The following UBE2R2 variants were observed in gnomAD, a reference collection of about 807,000 sequenced individuals.
UBE2R2 encodes the protein ubiquitin-conjugating enzyme E2 R2.
Under a neutral mutation model 27.8 loss-of-function variants are expected in UBE2R2, and 1 was observed. That is an observed-to-expected ratio of 0.04 (90% CI 0.01 to 0.17). UBE2R2 has a LOEUF of 0.17. Among genes scored for constraint, UBE2R2 ranks in the 10% least tolerant of loss-of-function variants. The pLI is 1.00. For synonymous variants in UBE2R2, 106 were observed against 113.3 expected (o/e 0.94, Z 0.41); for missense variants, 100 against 291.0 (o/e 0.34, Z 4.78).
intron 3 of UBE2R2, among the ~76,000 whole-genome samples, chr9:33,910,713 C>A (rs766968135): frequency 3.9e-5 from 6 of 152,168 alleles, no homozygotes; most frequent in Non-Finnish European, 7.3e-5. Context: ...TTTGCTTTTC[C>A]TCCATTCTCC....
chr9:33,822,659 A>C (rs1312679857), intron 1 of UBE2R2, among the ~76,000 whole-genome samples: 3 of 151,470 alleles, frequency 2.0e-5, no homozygotes, highest in Admixed American at 2.0e-4. Flanking sequence ...TCCTGGCTTC[A>C]AACAATCCTC....
At chr9:33,909,143 G>A (rs190734564) in intron 3 of UBE2R2, among the ~76,000 whole-genome samples, 7 of 145,696 alleles carry the variant, frequency 4.8e-5, no homozygotes, top group East Asian at 1.9e-4. Flanking sequence ...CATCATCATC[G>A]TCGTCGTCAT....
intron 1 of UBE2R2, among the ~76,000 whole-genome samples, chr9:33,853,288 C>CTTTTTTTTTT (rs71506143): frequency 8.7e-6 from 1 of 115,362 alleles, no homozygotes; most frequent in African/African-American, 3.4e-5. Flanking sequence ...TTTTCTCTCT[C>CTTTTTTTTTT]TTTTTTTTTT....
chr9:33,880,774 T>G (rs1480469661), intron 1 of UBE2R2, among the ~76,000 whole-genome samples: 1 of 152,156 alleles, frequency 6.6e-6, no homozygotes, highest in Non-Finnish European at 1.5e-5. Flanking sequence ...GGCATTAGAT[T>G]CTCAAGGAGT....
At chr9:33,842,577 G>A (rs1820753618) in intron 1 of UBE2R2, among the ~76,000 whole-genome samples, 2 of 152,030 alleles carry the variant, frequency 1.3e-5, no homozygotes, top group African/African-American at 4.8e-5. Context: ...TCTCGAATGA[G>A]ATTTCCTCTT....
intron 1 of UBE2R2, among the ~76,000 whole-genome samples, chr9:33,882,382 G>A (rs1418671476): frequency 2.0e-5 from 3 of 152,108 alleles, no homozygotes; most frequent in African/African-American, 7.2e-5. Context: ...TCCTGCCCGG[G>A]TTCAAGCAAT....
chr9:33,822,685 A>G (rs553891523), intron 1 of UBE2R2, among the ~76,000 whole-genome samples: 68 of 152,096 alleles, frequency 4.5e-4, no homozygotes, highest in African/African-American at 1.5e-3. Context: ...TTGGCCTCCC[A>G]AAGTGCTGGT....
Position 33,886,979 on chromosome 9 carries a change from T to G in UBE2R2, c.264+12T>G. The G allele has an allele frequency of 6.3e-7, 1 of 1,577,652 alleles. No individual in the cohort carries two copies. The highest frequency in any genetic ancestry group is 2.3e-5 in the East Asian group (1 of 43,496). On this transcript the variant is annotated intron_variant, in intron 2 of 4. Transcript: ENST00000263228. ...CCAACATTTATGAGGTAAGGAGACA[T>G]CCATCATAAATTTCTCTGAAGATTT...
At chr9:33,839,779 TGA>T (rs1305846842) in intron 1 of UBE2R2, among the ~76,000 whole-genome samples, 1 of 152,100 alleles carries the variant, frequency 6.6e-6, no homozygotes, top group African/African-American at 2.4e-5. Context: ...GAAGATTGCT[TGA>T]GATCAGGAGT....
At chr9:33,891,163 C>A (rs1210425549) in intron 2 of UBE2R2, among the ~76,000 whole-genome samples, 2 of 151,050 alleles carry the variant, frequency 1.3e-5, no homozygotes, top group African/African-American at 4.9e-5. Flanking sequence ...TATTCTCCTG[C>A]CTCAGCCTTC....
At chr9:33,897,338 CAA>C (rs913543314) in intron 2 of UBE2R2, among the ~76,000 whole-genome samples, 3 of 131,902 alleles carry the variant, frequency 2.3e-5, no homozygotes, top group Middle Eastern at 6.0e-3. Flanking sequence ...TTTTTGGAGA[CAA>C]GAGTTTCGCT....
intron 1 of UBE2R2, among the ~76,000 whole-genome samples, chr9:33,829,871 C>T (rs1281892021): frequency 6.7e-6 from 1 of 149,376 alleles, no homozygotes. Flanking sequence ...TCTCGGCTCA[C>T]CGCAACCTCC....
intron 2 of UBE2R2, among the ~76,000 whole-genome samples, chr9:33,895,939 A>AT (rs1822095070): frequency 6.6e-6 from 1 of 151,174 alleles, no homozygotes; most frequent in Non-Finnish European, 1.5e-5. Context: ...TGTCTGGCAA[A>AT]TTTTTTGTAT....
intron 4 of UBE2R2, among the ~76,000 whole-genome samples, chr9:33,916,246 CAGG>C (rs1822638619): frequency 6.6e-6 from 1 of 152,102 alleles, no homozygotes; most frequent in East Asian, 1.9e-4. Context: ...GAGGCTGAGG[CAGG>C]AGAATTGCTT....
At chr9:33,887,520 C>T (rs900460845) in intron 2 of UBE2R2, among the ~76,000 whole-genome samples, 9 of 152,158 alleles carry the variant, frequency 5.9e-5, no homozygotes, top group African/African-American at 2.2e-4. Flanking sequence ...GTTGATGAAA[C>T]GTACTTAGCT....
At chr9:33,892,566 T>C (rs189058482) in intron 2 of UBE2R2, among the ~76,000 whole-genome samples, 9 of 152,286 alleles carry the variant, frequency 5.9e-5, no homozygotes, top group Non-Finnish European at 4.4e-5. Context: ...TATGGTACAT[T>C]AGGCATCATT....
At chr9:33,819,587 AT>A (rs1825926847) in intron 1 of UBE2R2, among the ~76,000 whole-genome samples, 1 of 152,108 alleles carries the variant, frequency 6.6e-6, no homozygotes, top group Non-Finnish European at 1.5e-5. Context: ...TCAAATATAA[AT>A]TTTTATGCAT....
At chr9:33,871,597 T>C (rs192571762) in intron 1 of UBE2R2, among the ~76,000 whole-genome samples, 75 of 152,356 alleles carry the variant, frequency 4.9e-4, no homozygotes, top group Admixed American at 3.6e-3. Context: ...CTTGTTCTTA[T>C]GAGTTTGCGT....
At chr9:33,888,170 C>G (rs532868616) in intron 2 of UBE2R2, among the ~76,000 whole-genome samples, 99 of 152,250 alleles carry the variant, frequency 6.5e-4, no homozygotes, top group African/African-American at 2.2e-3. Flanking sequence ...CATGTGAACT[C>G]AAGAACAATG....
Sources: gnomAD v4.1 joint callset for allele counts (sites outside exome capture counted in the v4.1 genomes callset) on GRCh38, gnomAD v4.1.1 for gene constraint, MANE v1.5 for transcripts, NCBI Gene and HGNC (gene_info 2026-07-23, HGNC 2026-07-21) for gene names.